The following DAB1 variants were observed in gnomAD, a reference collection of about 807,000 sequenced individuals.
DAB1 encodes disabled homolog 1.
Under a neutral mutation model 64.6 loss-of-function variants are expected in DAB1, and 15 were observed. The ratio of observed to expected loss-of-function variants is 0.23; its 90% confidence interval spans 0.16 to 0.36. The LOEUF (loss-of-function observed/expected upper bound fraction) is 0.36, where lower values mean the gene tolerates loss of function less well. DAB1 is among the 10% of genes least tolerant of loss of function. The pLI, the probability that DAB1 is intolerant of heterozygous loss-of-function variation, is 1.00. For synonymous variants in DAB1, 235 were observed against 251.9 expected (o/e 0.93, Z 0.64); for missense variants, 596 against 706.7 (o/e 0.84, Z 1.78).
chr1:57,870,420 T>G (rs541426514), intron 1 of DAB1, among the ~76,000 whole-genome samples: 3 of 152,086 alleles, frequency 2.0e-5, no homozygotes, highest in Non-Finnish European at 2.9e-5. Context: ...AAGCATTTAA[T>G]GTGATGGGTG....
chr1:58,115,853 G>A (rs1310355353), intron 5 of DAB1, among the ~76,000 whole-genome samples: 2 of 116,252 alleles, frequency 1.7e-5, no homozygotes, highest in Non-Finnish European at 3.5e-5. Context: ...TCGGGGGAGG[G>A]GGGAGGGATA....
At chr1:58,332,592 A>G (rs540530108) in intron 4 of DAB1, among the ~76,000 whole-genome samples, 11 of 152,348 alleles carry the variant, frequency 7.2e-5, no homozygotes, top group South Asian at 6.2e-4. Flanking sequence ...GAAGAATGCC[A>G]TCATTCTTCA....
intron 4 of DAB1, among the ~76,000 whole-genome samples, chr1:58,206,591 T>C (rs947345973): frequency 1.3e-5 from 2 of 152,202 alleles, no homozygotes; most frequent in Non-Finnish European, 2.9e-5. Flanking sequence ...TATATCTACC[T>C]GCTGCACAAG....
chr1:58,452,237 A>G (rs1036682021), intron 3 of DAB1, among the ~76,000 whole-genome samples: 1 of 151,414 alleles, frequency 6.6e-6, no homozygotes, highest in African/African-American at 2.4e-5. Flanking sequence ...CCTGGCCTGC[A>G]TCCTTTTTTT....
chr1:58,538,886 G>A (rs1322999852), intron 1 of DAB1: 4 of 872,704 alleles, frequency 4.6e-6, no homozygotes, highest in Non-Finnish European at 8.0e-6. Context: ...GGAGAAGTAT[G>A]GAAATTCCTA....
chr1:57,073,673 A>G (rs1282339188), intron 4 of DAB1, among the ~76,000 whole-genome samples: 1 of 152,112 alleles, frequency 6.6e-6, no homozygotes, highest in Admixed American at 6.6e-5. Context: ...TGTGTACCTC[A>G]AGTTTAACCC....
intron 5 of DAB1, among the ~76,000 whole-genome samples, chr1:58,145,382 T>C (rs1654533410): frequency 6.6e-6 from 1 of 152,214 alleles, no homozygotes; most frequent in Admixed American, 6.5e-5. Context: ...CATCTCTGTC[T>C]CGGTTTCTTT....
intron 4 of DAB1, among the ~76,000 whole-genome samples, chr1:58,183,647 G>A (rs1283412790): frequency 1.3e-5 from 2 of 151,510 alleles, no homozygotes; most frequent in South Asian, 2.1e-4. Flanking sequence ...TTCTTTGCAC[G>A]TCTTGTTTGT....
intron 5 of DAB1, among the ~76,000 whole-genome samples, chr1:58,054,020 A>G (rs147450066): frequency 3.1e-3 from 465 of 152,358 alleles, no homozygotes; most frequent in African/African-American, 0.01. Flanking sequence ...TTAGAAAGGA[A>G]GAATAACACT....
At chr1:57,314,918 T>A (rs551931957) in intron 1 of DAB1, among the ~76,000 whole-genome samples, 7 of 152,160 alleles carry the variant, frequency 4.6e-5, no homozygotes, top group Non-Finnish European at 7.4e-5. Context: ...AATATAATAG[T>A]CCCTGATCCA....
intron 5 of DAB1, among the ~76,000 whole-genome samples, chr1:58,050,542 T>A (rs975168635): frequency 1.3e-5 from 2 of 152,098 alleles, no homozygotes; most frequent in African/African-American, 4.8e-5. Flanking sequence ...TATTTATTTA[T>A]TTATGGAGAT....
chr1:57,836,905 G>T (rs1250984448), intron 1 of DAB1, among the ~76,000 whole-genome samples: 1 of 152,138 alleles, frequency 6.6e-6, no homozygotes, highest in Non-Finnish European at 1.5e-5. Flanking sequence ...CCCTAGACAT[G>T]CTTTGCTCTC....
chr1:57,319,611 A>T (rs1675525767), intron 1 of DAB1, among the ~76,000 whole-genome samples: 1 of 152,104 alleles, frequency 6.6e-6, no homozygotes, highest in African/African-American at 2.4e-5. Flanking sequence ...TAGTGCATTG[A>T]CATATAGGAA....
At chr1:57,450,114 A>G (rs538676592) in intron 7 of DAB1, among the ~76,000 whole-genome samples, 2 of 152,340 alleles carry the variant, frequency 1.3e-5, no homozygotes, top group Admixed American at 1.3e-4. Context: ...TGCTTCTGAA[A>G]TCCTTTCTGT....
At chr1:58,518,230 G>GGGAGAGAGGAGAGGGGAGAC (rs1553123865) in intron 2 of DAB1, among the ~76,000 whole-genome samples, 1 of 6,662 alleles carries the variant, frequency 1.5e-4, no homozygotes, top group African/African-American at 6.0e-4. Flanking sequence ...AGAGGGGAGA[G>GGGAGAGAGGAGAGGGGAGAC]GGGAGAGGGG....
intron 4 of DAB1, among the ~76,000 whole-genome samples, chr1:58,242,816 T>C (rs537781236): frequency 6.6e-6 from 1 of 151,864 alleles, no homozygotes; most frequent in South Asian, 2.1e-4. Flanking sequence ...AAAAACTGTA[T>C]AAGTGAAGGT....
In DAB1 at chr1:57,126,739, G is replaced by T. The variant is rs895903795; in HGVS notation, c.306+9804C>A. 2.0e-5 allele frequency among the ~76,000 whole-genome samples: 3 copies of T among 152,186 alleles called. No individual in the cohort carries two copies. The East Asian group carries it at 5.8e-4, about 29-fold the overall frequency. On this transcript the variant is annotated intron_variant, in intron 4 of 14. Transcript: ENST00000371236. Reference sequence around the variant, plus strand: ...CTAACAAGTAACTCTTCAAATTCAGGCCTGCTAATGGCAAATCTAGCCCTT... The same window carrying T: ...CTAACAAGTAACTCTTCAAATTCAGTCCTGCTAATGGCAAATCTAGCCCTT...
intron 4 of DAB1, among the ~76,000 whole-genome samples, chr1:58,250,226 A>G (rs1660744042): frequency 6.6e-6 from 1 of 152,120 alleles, no homozygotes; most frequent in Non-Finnish European, 1.5e-5. Context: ...GGCGGGCGCA[A>G]CATATTCTCC....
intron 3 of DAB1, among the ~76,000 whole-genome samples, chr1:58,456,580 G>A (rs12078497): frequency 0.035 from 5,343 of 152,240 alleles, 348 homozygotes; most frequent in African/African-American, 0.12. Context: ...AAGGATCAGC[G>A]GGGATTTGTA....
Sources: gnomAD v4.1 joint callset for allele counts (sites outside exome capture counted in the v4.1 genomes callset) on GRCh38, gnomAD v4.1.1 for gene constraint, MANE v1.5 for transcripts, NCBI Gene and HGNC (gene_info 2026-07-23, HGNC 2026-07-21) for gene names.